The following ASPH variants were observed in gnomAD, a reference collection of about 807,000 sequenced individuals.
ASPH encodes aspartyl/asparaginyl beta-hydroxylase.
ASPH carries 100 observed loss-of-function variants against 118.4 expected under a neutral mutation model. The ratio of observed to expected loss-of-function variants is 0.84; its 90% confidence interval spans 0.72 to 1.00. The LOEUF is 1.00. ASPH is among the 50% of genes least tolerant of loss of function. The probability of loss-of-function intolerance (pLI) is 0.00; values close to 1 mark genes in which losing one functional copy is unlikely to be tolerated. For synonymous variants in ASPH, 315 were observed against 325.6 expected (o/e 0.97, Z 0.35); for missense variants, 920 against 919.5 (o/e 1.00, Z -0.01).
intron 13 of ASPH, among the ~76,000 whole-genome samples, chr8:61,630,874 T>C (rs936131259): frequency 4.6e-5 from 7 of 152,222 alleles, no homozygotes; most frequent in African/African-American, 1.7e-4. Context: ...CAGAAGTCAT[T>C]GTTATCATAG....
At chr8:61,582,628 A>C (rs1184839876) in intron 15 of ASPH, among the ~76,000 whole-genome samples, 4 of 152,186 alleles carry the variant, frequency 2.6e-5, no homozygotes, top group African/African-American at 9.7e-5. Context: ...TTTATTGGCA[A>C]ACCTTGGCTT....
intron 18 of ASPH, among the ~76,000 whole-genome samples, chr8:61,559,560 G>C (rs1394016241): frequency 6.6e-6 from 1 of 152,072 alleles, no homozygotes; most frequent in African/African-American, 2.4e-5. Flanking sequence ...CAAACTCTTT[G>C]CGTGATACAT....
chr8:61,707,414 C>G (rs1836959463), intron 1 of ASPH, among the ~76,000 whole-genome samples: 1 of 152,184 alleles, frequency 6.6e-6, no homozygotes, highest in African/African-American at 2.4e-5. Flanking sequence ...CACAGCCACT[C>G]AACTGGCAAA....
At chr8:61,516,219 C>T (rs971103450) in intron 24 of ASPH, among the ~76,000 whole-genome samples, 2 of 152,124 alleles carry the variant, frequency 1.3e-5, no homozygotes, top group Non-Finnish European at 2.9e-5. Context: ...TAAAAACCAC[C>T]ACTCTGCAAG....
rs139302288 is a variant in ASPH, at chr8:61,583,852, T to C, written c.1062+92A>G. ...CACTCTATTCAACTGTTGTTTCTTT[T>C]ACACTTACTATTTTTTTTTTTTTTA... is the stretch of plus-strand genomic sequence containing the variant. On this transcript the variant is annotated intron_variant, in intron 15 of 24. Coordinates refer to ENST00000379454, the MANE Select transcript of ASPH (RefSeq NM_004318.4). 245 of 915,608 alleles carry C rather than the reference T, an allele frequency of 2.7e-4. 1 individual carries two copies. The African/African-American group carries it at 3.8e-3, about 14-fold the overall frequency. 56.7% of individuals were successfully genotyped at this position (915,608 alleles called of 1,614,324 possible).
chr8:61,517,795 T>A, intron 23 of ASPH, 134 bp from the exon 24 acceptor site: 1 of 1,300,644 alleles, frequency 7.7e-7, no homozygotes, highest in Non-Finnish European at 1.0e-6. Context: ...TATTCAAGTC[T>A]TATTTCTTTG....
At chr8:61,621,868 G>A (rs1433536877) in intron 13 of ASPH, among the ~76,000 whole-genome samples, 4 of 152,112 alleles carry the variant, frequency 2.6e-5, no homozygotes, top group Non-Finnish European at 5.9e-5. Context: ...CTCATATTTA[G>A]TCTTTAAATA....
rs80333227 is a variant in ASPH at position 61,663,288 on chromosome 8, T to C, written c.323-9628A>G. The C allele has an allele frequency of 1.1e-3, 1,123 of 985,280 alleles. 12 individuals carry two copies. The African/African-American group carries it at 0.018, about 16-fold the overall frequency. The allele number at this position is 985,280 out of a possible 1,614,324, so 61.0% of individuals were successfully genotyped here. ...CATTCCAAAGCTTTGTGCACAGGTG[T>C]GCGCCTGGGAAGAATCACCATCCTC... On this transcript the variant is annotated intron_variant, in intron 3 of 24. Coordinates refer to ENST00000379454, the MANE Select transcript of ASPH (RefSeq NM_004318.4).
Position 61,517,664 on chromosome 8 carries a change from G to A in ASPH, c.1993-3C>T. The A allele has an allele frequency of 6.2e-7, 1 of 1,612,864 alleles. No homozygotes were observed. On this transcript the variant is annotated splice_region_variant and splice_polypyrimidine_tract_variant and intron_variant, in intron 23 of 24. Coordinates refer to ENST00000379454, the MANE Select transcript of ASPH (RefSeq NM_004318.4). ...GGGTGCATGATGGAATATTTGATCTGCATAGAAAACATGACACTCCATTCA... is the reference window on the plus strand; with the variant it reads ...GGGTGCATGATGGAATATTTGATCTACATAGAAAACATGACACTCCATTCA...
chr8:61,678,601 C>A (rs139964223), intron 3 of ASPH, among the ~76,000 whole-genome samples: 2,751 of 151,054 alleles, frequency 0.018, 64 homozygotes, highest in South Asian at 0.072. Context: ...GTACATTTCC[C>A]CAAATTTATA....
At chr8:61,642,259 G>A (rs1266688500) in intron 10 of ASPH, among the ~76,000 whole-genome samples, 6 of 152,232 alleles carry the variant, frequency 3.9e-5, no homozygotes, top group African/African-American at 1.2e-4. Context: ...AGCAGCTAGA[G>A]CAATTTAACT....
intron 18 of ASPH, among the ~76,000 whole-genome samples, chr8:61,559,572 C>T (rs940483195): frequency 6.6e-6 from 1 of 152,158 alleles, no homozygotes; most frequent in African/African-American, 2.4e-5. Context: ...GTGATACATT[C>T]CTGGGATTTT....
In ASPH at chr8:61,573,618, A is replaced by T. The variant is rs182384309; in HGVS notation, c.1149+3154T>A. ...GACAAAAACAAGCAATGGGGAAAGG[A>T]TTCCCTATTTAATAAATGGTATTGG... On this transcript the variant is annotated intron_variant, in intron 16 of 24. Coordinates refer to ENST00000379454, the MANE Select transcript of ASPH (RefSeq NM_004318.4). Among the ~76,000 whole-genome samples, 311 of 152,354 alleles carry T rather than the reference A, an allele frequency of 2.0e-3. 3 individuals carry two copies. The highest frequency in any genetic ancestry group is 0.012 in the South Asian group (56 of 4,826).
chr8:61,658,545 T>A (rs763270637), intron 3 of ASPH: 2 of 152,180 alleles, frequency 1.3e-5, no homozygotes, highest in Non-Finnish European at 2.9e-5. Context: ...TATCTCAGTG[T>A]TAACCACAGC....
chr8:61,693,408 G>A (rs1833149311), intron 1 of ASPH, among the ~76,000 whole-genome samples: 1 of 152,162 alleles, frequency 6.6e-6, no homozygotes, highest in African/African-American at 2.4e-5. Flanking sequence ...ACTGTAAAGT[G>A]TCACAAGATA....
At chr8:61,517,683 C>A (rs1811407047) in intron 23 of ASPH, 22 bp from the exon 24 acceptor site, 1 of 1,604,622 alleles carries the variant, frequency 6.2e-7, no homozygotes, top group Non-Finnish European at 8.5e-7. Context: ...ACATGACACT[C>A]CATTCAGCCA....
intron 1 of ASPH, among the ~76,000 whole-genome samples, chr8:61,699,543 A>T (rs984391984): frequency 2.6e-5 from 4 of 152,208 alleles, no homozygotes; most frequent in Non-Finnish European, 5.9e-5. Context: ...TCATTATTCT[A>T]ATTCACAAAA....
chr8:61,529,559 G>C (rs1285125885), intron 21 of ASPH, among the ~76,000 whole-genome samples: 9 of 152,206 alleles, frequency 5.9e-5, no homozygotes, highest in Admixed American at 5.9e-4. Flanking sequence ...TGGGACCTAA[G>C]AATGCTGTTT....
chr8:61,601,505 A>G (rs983391124), intron 14 of ASPH, among the ~76,000 whole-genome samples: 1 of 150,074 alleles, frequency 6.7e-6, no homozygotes, highest in East Asian at 1.9e-4. Context: ...GCGCCAGTGC[A>G]CTCCAGCCTG....
Sources: allele counts gnomAD v4.1 joint callset (sites outside exome capture counted in the v4.1 genomes callset), GRCh38; gene constraint gnomAD v4.1.1; transcripts MANE v1.5; gene names NCBI Gene and HGNC (gene_info 2026-07-23, HGNC 2026-07-21).